The following ZMYND8 variants were observed in gnomAD, a reference collection of about 807,000 sequenced individuals.
ZMYND8 encodes MYND-type zinc finger-containing chromatin reader ZMYND8.
In ZMYND8, 37 loss-of-function variants were observed where a neutral mutation model predicts 140.8. The ratio of observed to expected loss-of-function variants is 0.26; its 90% CI spans 0.20 to 0.35. ZMYND8 has a LOEUF of 0.35. ZMYND8 is among the 10% of genes least tolerant of loss of function. ZMYND8 has a pLI of 1.00. For synonymous variants in ZMYND8, 592 were observed against 597.1 expected (o/e 0.99, Z 0.12); for missense variants, 1,068 against 1,570.0 (o/e 0.68, Z 5.40).
intron 13 of ZMYND8, among the ~76,000 whole-genome samples, chr20:47,248,163 C>A (rs957015694): frequency 6.6e-6 from 1 of 152,232 alleles, no homozygotes; most frequent in Non-Finnish European, 1.5e-5. Flanking sequence ...CTCAGTTTCT[C>A]TATCCGCAAA....
At chr20:47,339,713 T>C (rs1556444620) in intron 2 of ZMYND8, among the ~76,000 whole-genome samples, 3 of 152,132 alleles carry the variant, frequency 2.0e-5, no homozygotes, top group Non-Finnish European at 2.9e-5. Flanking sequence ...CCTTACCTCA[T>C]GATCCGCCCA....
At chr20:47,303,043 C>T (rs6124993) in intron 3 of ZMYND8, among the ~76,000 whole-genome samples, 12,602 of 152,078 alleles carry the variant, frequency 0.083, 660 homozygotes, top group East Asian at 0.17. Context: ...CAACCAAAAA[C>T]GTCTCCAGAC....
chr20:47,339,455 T>C (rs897378683), intron 2 of ZMYND8, among the ~76,000 whole-genome samples: 1 of 152,050 alleles, frequency 6.6e-6, no homozygotes, highest in Non-Finnish European at 1.5e-5. Context: ...ATAGCTAACA[T>C]TTTTGAGCAG....
intron 2 of ZMYND8, among the ~76,000 whole-genome samples, chr20:47,338,538 ATAT>A (rs1219367528): frequency 6.6e-6 from 1 of 152,168 alleles, no homozygotes; most frequent in Non-Finnish European, 1.5e-5. Flanking sequence ...CACAGACATC[ATAT>A]TTTCACCATG....
chr20:47,212,775 C>T (rs1273073794), intron 21 of ZMYND8, 50 bp from the exon 22 acceptor site: 5 of 1,511,912 alleles, frequency 3.3e-6, no homozygotes, highest in Non-Finnish European at 3.6e-6. Context: ...AGCTGGAATT[C>T]CGCACAACCC....
chr20:47,242,843 T>C (rs2040135548), intron 14 of ZMYND8, among the ~76,000 whole-genome samples: 1 of 152,230 alleles, frequency 6.6e-6, no homozygotes, highest in Non-Finnish European at 1.5e-5. Context: ...GAAATTTCAT[T>C]TGTCCCAGAA....
At chr20:47,299,438 A>C (rs1246997773) in intron 3 of ZMYND8, among the ~76,000 whole-genome samples, 1 of 152,250 alleles carries the variant, frequency 6.6e-6, no homozygotes, top group Non-Finnish European at 1.5e-5. Flanking sequence ...TGTGGTTGGA[A>C]GCCCAACTTA....
At chr20:47,213,810 C>T (rs996751415) in intron 21 of ZMYND8, among the ~76,000 whole-genome samples, 8 of 152,134 alleles carry the variant, frequency 5.3e-5, no homozygotes, top group Non-Finnish European at 7.4e-5. Flanking sequence ...TCGAAGTCAA[C>T]AAATAATATC....
At chr20:47,318,390 GAC>G (rs553162221) in intron 2 of ZMYND8, 52 of 320,950 alleles carry the variant, frequency 1.6e-4, no homozygotes, top group Non-Finnish European at 2.8e-4. Context: ...GTTTCCCAAA[GAC>G]ACAGAGCAGG....
intron 1 of ZMYND8, chr20:47,350,072 G>A: frequency 7.2e-7 from 1 of 1,379,812 alleles, no homozygotes; most frequent in African/African-American, 1.5e-5. Context: ...GAGCAGAAGA[G>A]AGAGGGAAAA....
intron 3 of ZMYND8, 60 bp from the exon 4 acceptor site, chr20:47,299,007 A>G: frequency 6.6e-7 from 1 of 1,516,630 alleles, no homozygotes; most frequent in Non-Finnish European, 9.1e-7. Flanking sequence ...CTCAAAAGGA[A>G]TTTGAACAAG....
intron 2 of ZMYND8, among the ~76,000 whole-genome samples, chr20:47,342,487 C>T (rs1254796063): frequency 6.7e-6 from 1 of 149,076 alleles, no homozygotes; most frequent in Non-Finnish European, 1.5e-5. Flanking sequence ...GTGGAGGTTG[C>T]AGTGAGCCAA....
Position 47,224,512 on chromosome 20 carries a change from C to G in ZMYND8, c.3061G>C (p.Asp1021His). The part of the protein sequence containing the change: ...EMRQSLEQER[D>H]RLIAEVKKQL... The stretch of plus-strand genomic sequence containing the variant: ...TTCTTCACCTCGGCGATGAGCCGGT[C>G]CCGCTCCTGCTCCAGGCTCTGCCGC... The change falls in exon 19 of 23, where the codon GAC becomes CAC. Residue 1021 changes from aspartate (D) to histidine (H), a missense_variant. Transcript: ENST00000471951. 2 of 1,614,080 alleles carry G rather than the reference C, an allele frequency of 1.2e-6. No homozygotes were observed. The highest frequency in any genetic ancestry group is 1.7e-6 in the Non-Finnish European group (2 of 1,180,040).
At chr20:47,338,371 C>T (rs950610416) in intron 2 of ZMYND8, among the ~76,000 whole-genome samples, 2 of 151,878 alleles carry the variant, frequency 1.3e-5, no homozygotes, top group African/African-American at 4.8e-5. Flanking sequence ...GACCCTGACC[C>T]GGGTCATGTC....
In ZMYND8 at chr20:47,247,042, A is replaced by C. The variant is rs1401956717; in HGVS notation, c.1775-525T>G. Among the ~76,000 whole-genome samples the C allele has an allele frequency of 2.0e-5, 3 of 152,216 alleles. No homozygotes were observed. The East Asian group carries it at 5.8e-4, about 29-fold the overall frequency. On this transcript the variant is annotated intron_variant, in intron 13 of 22. Transcript: ENST00000471951. ...ATCCTTTGTGTCTAGGCCAAAGAAA[A>C]TAAGCCAAAGCCTTAAAGCAGAGGT...
intron 2 of ZMYND8, chr20:47,319,205 T>A (rs1207763349): frequency 2.5e-6 from 1 of 395,190 alleles, no homozygotes; most frequent in Non-Finnish European, 4.8e-6. Flanking sequence ...ACCCAGCGAC[T>A]TGCCTTCATG....
intron 2 of ZMYND8, among the ~76,000 whole-genome samples, chr20:47,329,300 G>C (rs759172661): frequency 6.6e-6 from 1 of 152,204 alleles, no homozygotes; most frequent in Non-Finnish European, 1.5e-5. Flanking sequence ...TTCTCGATCT[G>C]TTCTCTATCA....
chr20:47,341,819 T>A (rs1205304273), intron 2 of ZMYND8, among the ~76,000 whole-genome samples: 1 of 151,158 alleles, frequency 6.6e-6, no homozygotes, highest in Non-Finnish European at 1.5e-5. Flanking sequence ...CTGCCTAACA[T>A]GGGGAAACCC....
chr20:47,318,491 C>T, intron 2 of ZMYND8: 1 of 347,462 alleles, frequency 2.9e-6, no homozygotes, highest in Non-Finnish European at 5.7e-6. Context: ...CCGGAATTTC[C>T]TCCTGGCAGA....
Sources: allele counts gnomAD v4.1 joint callset (sites outside exome capture counted in the v4.1 genomes callset), GRCh38; gene constraint gnomAD v4.1.1; transcripts MANE v1.5; gene names NCBI Gene and HGNC (gene_info 2026-07-23, HGNC 2026-07-21).